Variants in AQP10 observed in about 807,000 individuals in gnomAD.
The protein encoded by AQP10 is aquaporin 10, also known as aquaporin-10.
A neutral mutation model predicts 21.0 loss-of-function variants in AQP10; 15 were observed. The observed-to-expected ratio is 0.71, with a 90% CI of 0.48 to 1.10. The LOEUF is 1.10. AQP10 is among the 50% of genes least tolerant of loss of function. The pLI is 0.00. For missense variants in AQP10, 268 were observed against 379.5 expected, an observed-to-expected ratio of 0.71 and a Z score of 2.44; for synonymous variants, 143 against 155.7, an observed-to-expected ratio of 0.92 and a Z score of 0.61.
intron 2 of AQP10, among the ~76,000 whole-genome samples, chr1:154,322,537 T>C (rs1685669471): frequency 6.7e-6 from 1 of 150,050 alleles, no homozygotes; most frequent in Non-Finnish European, 1.5e-5. Flanking sequence ...TTTCACTCTG[T>C]TGCCCAGGCT....
rs1172904361 is a variant in AQP10 at position 154,325,298 on chromosome 1, C to T, written c.*818C>T. The T allele has an allele frequency of 6.6e-6, 1 of 152,204 alleles. No homozygotes were observed. The highest frequency in any genetic ancestry group is 1.5e-5 in the Non-Finnish European group (1 of 68,050). The allele number at this position is 152,204 out of a possible 1,614,324, so 9.4% of individuals were successfully genotyped here. Reference sequence around the variant, plus strand: ...GGCAGTGTTCCTCTATTCCCTTCTTCCGAATTAAAAATACCCCCTCAGAGC... The same window carrying T: ...GGCAGTGTTCCTCTATTCCCTTCTTTCGAATTAAAAATACCCCCTCAGAGC... On this transcript the variant is annotated 3_prime_UTR_variant, in exon 6 of 6. Coordinates refer to ENST00000324978, the MANE Select transcript of AQP10 (RefSeq NM_080429.3).
Position 154,321,102 on chromosome 1 carries a change from C to A in AQP10, c.-54C>A. 1.4e-6 allele frequency: 2 copies of A among 1,446,762 alleles called. No homozygotes were observed. Among genetic ancestry groups the A allele is most frequent in the Non-Finnish European group, 9.6e-7 (1 of 1,043,614 alleles). The allele number at this position is 1,446,762 out of a possible 1,614,324, so 89.6% of individuals were successfully genotyped here. ...GAGGCAGGCAGTAGCTGTGCAGTGA[C>A]AGTGTGCCTATGCAGACAGAGGGAG... On this transcript the variant is annotated 5_prime_UTR_variant, in exon 1 of 6. Transcript: ENST00000324978.
intron 2 of AQP10, 44 bp from the exon 3 acceptor site, chr1:154,322,938 G>A: frequency 6.2e-7 from 1 of 1,612,628 alleles, no homozygotes; most frequent in South Asian, 1.1e-5. Flanking sequence ...ATGCCTGGCA[G>A]TGACACTTAA....
In AQP10 at chr1:154,324,620, TAAAC is replaced by T; in HGVS notation, c.*141_*144del. The T allele has an allele frequency of 1.2e-6, 1 of 849,570 alleles. No homozygotes were observed. The highest frequency in any genetic ancestry group is 1.8e-6 in the Non-Finnish European group (1 of 564,580). 52.6% of individuals were successfully genotyped at this position (849,570 alleles called of 1,614,324 possible). ...TTATCTGTTTGGCATCCCTTCCTCC[TAAAC>T]TAAGAAGGATCCTGGACAGGGAGAA... On this transcript the variant is annotated 3_prime_UTR_variant, in exon 6 of 6. Transcript: ENST00000324978.
At position 154,323,068 on chromosome 1, in the gene AQP10, C is replaced by T; in HGVS notation, c.319C>T (p.Gln107Ter). The T allele has an allele frequency of 2.5e-6, 4 of 1,614,196 alleles. No individual in the cohort carries two copies. The highest frequency in any genetic ancestry group is 3.4e-6 in the Non-Finnish European group (4 of 1,180,040). ...CAAGCTCCCCATTTACATCTTGGTGCAGTTGCTGTCTGCTTTCTGTGCTTC... is the reference window on the plus strand; with the variant it reads ...CAAGCTCCCCATTTACATCTTGGTGTAGTTGCTGTCTGCTTTCTGTGCTTC... ...WVKLPIYILV[Q>*]LLSAFCASGA... Residue 107 changes from glutamine (Q) to a stop codon, truncating the protein, a stop_gained, in exon 3 of 6, where the codon CAG becomes TAG. Transcript: ENST00000324978. LOFTEE classifies it high-confidence loss of function. This position sits in a 1 kb window ranked among gnomAD's most constrained non-coding sequence, Gnocchi z 4.5.
In AQP10 at chr1:154,323,804, C is replaced by G. The variant is rs144627448; in HGVS notation, c.705C>G (p.Phe235Leu). ...TGGCTGGCTGGGGTCCTGAAGTCTT[C>G]AGGTGGGAGACAGACTCTCCTGGTG... Reference protein sequence around the residue: ...TYVAGWGPEVFSAGNGWWWVP... With the variant: ...TYVAGWGPEVLSAGNGWWWVP... The change falls in exon 5 of 6, where the codon TTC becomes TTG. Residue 235 changes from phenylalanine to leucine, a missense_variant and splice_region_variant. Around this residue, in one of 3 missense-constraint regions of AQP10, gnomAD observed 229 missense variants for 295.1 expected, o/e 0.78. Coordinates refer to ENST00000324978, the MANE Select transcript of AQP10 (RefSeq NM_080429.3). This position sits in a 1 kb window ranked among gnomAD's most constrained non-coding sequence, Gnocchi z 4.5. 6.2e-7 allele frequency: 1 copy of G among 1,613,896 alleles called. No homozygotes were observed. The highest frequency in any genetic ancestry group is 1.3e-5 in the African/African-American group (1 of 75,046).
intron 5 of AQP10, 177 bp from the exon 6 acceptor site, chr1:154,324,105 C>G (rs1558264794): frequency 8.6e-7 from 1 of 1,167,748 alleles, no homozygotes; most frequent in Non-Finnish European, 1.2e-6. Context: ...CTGGACCAAG[C>G]TCTCCTGGGG....
rs1010070251 is a variant in AQP10, at chr1:154,324,548, C to T, written c.*68C>T. 1.3e-6 allele frequency: 2 copies of T among 1,489,176 alleles called. No individual in the cohort carries two copies. Among genetic ancestry groups the T allele is most frequent in the Non-Finnish European group, 1.8e-6 (2 of 1,092,968 alleles). 92.2% of individuals were successfully genotyped at this position (1,489,176 alleles called of 1,614,324 possible). ...ACTGACCCCGCCTGGGAACAACAGT[C>T]ATTCTTCCTCTTTGTTAATGTGCCA... On this transcript the variant is annotated 3_prime_UTR_variant, in exon 6 of 6. Transcript: ENST00000324978.
At position 154,325,285 on chromosome 1, in the gene AQP10, C is replaced by G. The variant is rs1685741361; in HGVS notation, c.*805C>G. ...GTTTTGCAGAGAAGGCAGTGTTCCT[C>G]TATTCCCTTCTTCCGAATTAAAAAT... On this transcript the variant is annotated 3_prime_UTR_variant, in exon 6 of 6. Transcript: ENST00000324978. 1.3e-5 allele frequency: 2 copies of G among 152,260 alleles called. No individual in the cohort carries two copies. Among genetic ancestry groups the G allele is most frequent in the African/African-American group, 4.8e-5 (2 of 41,450 alleles). 9.4% of individuals were successfully genotyped at this position (152,260 alleles called of 1,614,324 possible).
rs775804638 is a variant in AQP10, at chr1:154,323,872, G to A, written c.707+66G>A. The stretch of plus-strand genomic sequence containing the variant: ...TCCTCTGCTAAGGGCTCTGTCCCTG[G>A]GTCCACAGCACTCTGCCTTTAAAAT... On this transcript the variant is annotated intron_variant, in intron 5 of 5. Coordinates refer to ENST00000324978, the MANE Select transcript of AQP10 (RefSeq NM_080429.3). The surrounding 1 kb of genome is among the most constrained non-coding windows in gnomAD (Gnocchi z 4.5). 1.9e-6 allele frequency: 3 copies of A among 1,577,962 alleles called. No individual in the cohort carries two copies. The highest frequency in any genetic ancestry group is 2.3e-5 in the South Asian group (2 of 87,892).
At position 154,323,964 on chromosome 1, in the gene AQP10, TC is replaced by T; in HGVS notation, c.707+161del. The T allele has an allele frequency of 1.8e-5, 27 of 1,460,190 alleles. No homozygotes were observed. The highest frequency in any genetic ancestry group is 2.4e-5 in the Non-Finnish European group (27 of 1,104,226). The allele number at this position is 1,460,190 out of a possible 1,614,324, so 90.5% of individuals were successfully genotyped here. A position where few individuals can be genotyped will look rare whatever the true frequency, so the allele number is the denominator to read the frequency against. ...ATATTCTCCCCCTTTCTCCCTTGCT[TC>T]CCTCCCAACTTTTCACTGAAACAGT... On this transcript the variant is annotated intron_variant, in intron 5 of 5. Coordinates refer to ENST00000324978, the MANE Select transcript of AQP10 (RefSeq NM_080429.3). This position sits in a 1 kb window ranked among gnomAD's most constrained non-coding sequence, Gnocchi z 4.5.
rs1459722575 is a variant in AQP10, at chr1:154,322,074, G to T, written c.232+15G>T. ...TAACGTCTCAGGTGAGGAGGGTGGG[G>T]TCTGGTCATCAGAGCACGTGGGATG... On this transcript the variant is annotated intron_variant, in intron 2 of 5. Transcript: ENST00000324978. 15 of 1,612,866 alleles carry T rather than the reference G, an allele frequency of 9.3e-6. No homozygotes were observed. The African/African-American group carries it at 1.7e-4, about 19-fold the overall frequency.
Position 154,323,325 on chromosome 1 carries a change from C to A in AQP10, c.455C>A (p.Pro152His), listed in dbSNP as rs1014428988. 1.9e-6 allele frequency: 3 copies of A among 1,614,162 alleles called. No individual in the cohort carries two copies. Among genetic ancestry groups the A allele is most frequent in the East Asian group, 2.2e-5 (1 of 44,880 alleles). ...TASIFATYPA[P>H]YLSLNNGFLD... ...TCCATTTTTGCCACCTATCCTGCCC[C>A]CTATCTGTCCCTGAACAATGGCTTC... Residue 152 changes from proline to histidine, a missense_variant, in exon 4 of 6, where the codon CCC (proline) becomes CAC (histidine). Pro to His is a moderately conservative substitution (Grantham distance 77). Around this residue, in one of 3 missense-constraint regions of AQP10, gnomAD observed 229 missense variants for 295.1 expected, o/e 0.78. Coordinates refer to ENST00000324978, the MANE Select transcript of AQP10 (RefSeq NM_080429.3). The surrounding 1 kb of genome is among the most constrained non-coding windows in gnomAD (Gnocchi z 4.5).
intron 2 of AQP10, among the ~76,000 whole-genome samples, chr1:154,322,657 C>G (rs1265784539): frequency 6.6e-6 from 1 of 152,036 alleles, no homozygotes; most frequent in African/African-American, 2.4e-5. Context: ...TGCTACCACG[C>G]CTGGCTAATA....
At position 154,323,867 on chromosome 1, in the gene AQP10, C is replaced by A; in HGVS notation, c.707+61C>A. On this transcript the variant is annotated intron_variant, in intron 5 of 5. Coordinates refer to ENST00000324978, the MANE Select transcript of AQP10 (RefSeq NM_080429.3). The surrounding 1 kb of genome is among the most constrained non-coding windows in gnomAD (Gnocchi z 4.5). ...CACCTTCCTCTGCTAAGGGCTCTGTCCCTGGGTCCACAGCACTCTGCCTTT... is the reference window on the plus strand; with the variant it reads ...CACCTTCCTCTGCTAAGGGCTCTGTACCTGGGTCCACAGCACTCTGCCTTT... 6.3e-7 allele frequency: 1 copy of A among 1,585,474 alleles called. No homozygotes were observed. Among genetic ancestry groups the A allele is most frequent in the South Asian group, 1.1e-5 (1 of 88,442 alleles).
In AQP10 at chr1:154,324,454, G is replaced by A; in HGVS notation, c.880G>A (p.Ala294Thr). The change falls in exon 6 of 6, where the codon GCT (alanine) becomes ACT (threonine). Residue 294 changes from alanine (A) to threonine (T), a missense_variant. Physicochemically the swap from Ala to Thr is moderately conservative, Grantham distance 58 (BLOSUM62 0). Transcript: ENST00000324978. The stretch of plus-strand genomic sequence containing the variant: ...CTCAGAGTTGGAAACTCCTGCCTCA[G>A]CTCAGATGCTGGAGTGTAAGCTATG... ...KASELETPAS[A>T]QMLECKL The A allele has an allele frequency of 1.2e-6, 2 of 1,613,678 alleles. No individual in the cohort carries two copies. Among genetic ancestry groups the A allele is most frequent in the Non-Finnish European group, 1.7e-6 (2 of 1,179,958 alleles).
chr1:154,324,202 T>C, intron 5 of AQP10, 80 bp from the exon 6 acceptor site: 1 of 1,363,330 alleles, frequency 7.3e-7, no homozygotes, highest in South Asian at 1.4e-5. Flanking sequence ...GGGCACTCTC[T>C]TGTTACTGCC....
chr1:154,324,692 T>TC lies in AQP10; in HGVS notation c.*214dup, dbSNP rs1371282962. The TC allele has an allele frequency of 4.1e-6, 2 of 485,694 alleles. No individual in the cohort carries two copies. The highest frequency in any genetic ancestry group is 8.0e-5 in the Admixed American group (2 of 24,906). 30.1% of individuals were successfully genotyped at this position (485,694 alleles called of 1,614,324 possible). On this transcript the variant is annotated 3_prime_UTR_variant, in exon 6 of 6. Transcript: ENST00000324978. The stretch of plus-strand genomic sequence containing the variant: ...ACCAGGACTCAGGCTTCTCATCCCC[T>TC]CCTCCCGCAAAGCGGTTTTCTGACC...
chr1:154,323,192 T>A lies in AQP10; in HGVS notation c.371-49T>A. On this transcript the variant is annotated intron_variant, in intron 3 of 5. Transcript: ENST00000324978. The surrounding 1 kb of genome is among the most constrained non-coding windows in gnomAD (Gnocchi z 4.5). ...GGGCAGGGGTGCCTCAGAATGGTTT[T>A]GGATGAATGAGCAAAGAGGGAAATC... 2.5e-6 allele frequency: 4 copies of A among 1,613,892 alleles called. No homozygotes were observed. Among genetic ancestry groups the A allele is most frequent in the Non-Finnish European group, 3.4e-6 (4 of 1,179,780 alleles).
Sources: gnomAD v4.1 joint callset for allele counts (sites outside exome capture counted in the v4.1 genomes callset) on GRCh38, gnomAD v4.1.1 for gene constraint, gnomAD v4.1.1 regional missense constraint, Gnocchi (gnomAD v3.1) non-coding constraint, MANE v1.5 for transcripts, NCBI Gene and HGNC (gene_info 2026-07-23, HGNC 2026-07-21) for gene names.